Variants in EXT1 observed in about 807,000 individuals in gnomAD.
EXT1 encodes the protein exostosin glycosyltransferase 1.
In EXT1, 20 loss-of-function variants were observed where a neutral mutation model predicts 82.5. The observed-to-expected ratio is 0.24, with a 90% CI of 0.17 to 0.35. EXT1 has a LOEUF of 0.35. EXT1 is among the 10% of genes least tolerant of loss of function. EXT1 has a pLI of 1.00. For synonymous variants in EXT1, 348 were observed against 350.8 expected (o/e 0.99, Z 0.09); for missense variants, 757 against 936.5 (o/e 0.81, Z 2.50).
intron 1 of EXT1, among the ~76,000 whole-genome samples, chr8:118,063,898 G>A (rs1183527180): frequency 1.3e-5 from 2 of 151,960 alleles, no homozygotes; most frequent in South Asian, 2.1e-4. Flanking sequence ...ACGGAGTCTC[G>A]CTCTGTGGCC....
rs190359380 is a variant in EXT1, at chr8:117,933,298, G to C, written c.963-96097C>G. On this transcript the variant is annotated intron_variant, in intron 1 of 10. Transcript: ENST00000378204. ...GTCTTGCTCTGTCGCCCAGGCTGGA[G>C]TGCAGTGGCGCCATTTCAGCTCACT... Among the ~76,000 whole-genome samples, 111 of 149,596 alleles carry C rather than the reference G, an allele frequency of 7.4e-4. 2 individuals carry two copies. The highest frequency in any genetic ancestry group is 2.5e-3 in the African/African-American group (100 of 40,582).
intron 1 of EXT1, among the ~76,000 whole-genome samples, chr8:117,989,017 G>C (rs1191227249): frequency 6.8e-6 from 1 of 146,972 alleles, no homozygotes; most frequent in Admixed American, 6.9e-5. Context: ...AATGGGGCCA[G>C]GAGTTTGAGA....
intron 1 of EXT1, among the ~76,000 whole-genome samples, chr8:118,068,455 T>C (rs922092982): frequency 5.3e-5 from 8 of 152,280 alleles, no homozygotes; most frequent in African/African-American, 1.7e-4. Flanking sequence ...ATGCATTAGC[T>C]CTTTTCCCTA....
At chr8:117,897,883 G>A (rs17479600) in intron 1 of EXT1, among the ~76,000 whole-genome samples, 32,612 of 148,860 alleles carry the variant, frequency 0.22, 2,637 homozygotes, top group East Asian at 0.33. Flanking sequence ...GATTATAGGC[G>A]TGAACCACCG....
chr8:117,944,678 T>C (rs1814352256), intron 1 of EXT1, among the ~76,000 whole-genome samples: 1 of 152,100 alleles, frequency 6.6e-6, no homozygotes, highest in Non-Finnish European at 1.5e-5. Flanking sequence ...TCAAATATGG[T>C]TGAAATGCTT....
chr8:118,044,787 TCTC>T, intron 1 of EXT1, among the ~76,000 whole-genome samples: 1 of 152,262 alleles, frequency 6.6e-6, no homozygotes, highest in Middle Eastern at 3.4e-3. Context: ...CGTTCTCCAG[TCTC>T]GGTCTCCCGA....
At chr8:117,926,363 T>C (rs1050211130) in intron 1 of EXT1, among the ~76,000 whole-genome samples, 3 of 152,084 alleles carry the variant, frequency 2.0e-5, no homozygotes, top group African/African-American at 7.2e-5. Flanking sequence ...CTCGAGTGAG[T>C]TCCTTTTAAG....
chr8:117,965,454 G>A (rs1814789187), intron 1 of EXT1, among the ~76,000 whole-genome samples: 2 of 151,762 alleles, frequency 1.3e-5, no homozygotes, highest in Admixed American at 6.6e-5. Flanking sequence ...AAAACAAGGG[G>A]GAATTACCTT....
intron 7 of EXT1, among the ~76,000 whole-genome samples, chr8:117,814,678 T>C (rs780364200): frequency 3.3e-5 from 5 of 152,162 alleles, no homozygotes; most frequent in Non-Finnish European, 5.9e-5. Flanking sequence ...CCAGAAGTTA[T>C]AGTAAGGATG....
intron 1 of EXT1, among the ~76,000 whole-genome samples, chr8:117,860,189 T>C (rs1484296463): frequency 6.8e-6 from 1 of 146,404 alleles, no homozygotes; most frequent in Non-Finnish European, 1.5e-5. Context: ...AATGAAATCA[T>C]GCCTTTTGTA....
At position 117,858,805 on chromosome 8, in the gene EXT1, CA is replaced by C. The variant is rs769684651; in HGVS notation, c.963-21605del. 3.7e-4 allele frequency among the ~76,000 whole-genome samples: 25 copies of C among 66,700 alleles called. 2 individuals carry two copies. Among genetic ancestry groups the C allele is most frequent in the South Asian group, 2.1e-3 (3 of 1,460 alleles). The allele number at this position is 66,700 out of a possible 152,430, so 43.8% of individuals were successfully genotyped here. On this transcript the variant is annotated intron_variant, in intron 1 of 10. Coordinates refer to ENST00000378204, the MANE Select transcript of EXT1 (RefSeq NM_000127.3). ...GGCAGGCAGGCAAGGCAAGGCAAGG[CA>C]AGGCAGGAAGGAAGGAAGGAAGGAA...
intron 3 of EXT1, chr8:117,831,690 A>C (rs1812101096): frequency 2.1e-6 from 1 of 470,766 alleles, no homozygotes; most frequent in African/African-American, 2.0e-5. Flanking sequence ...TAGCTGCTTT[A>C]ATAGGAAAGT....
intron 1 of EXT1, among the ~76,000 whole-genome samples, chr8:117,977,300 T>C (rs1312831056): frequency 2.0e-5 from 3 of 150,202 alleles, no homozygotes; most frequent in African/African-American, 7.4e-5. Context: ...GGCAGGAGAA[T>C]CGCTTGAACC....
At chr8:118,071,332 A>T (rs532400668) in intron 1 of EXT1, among the ~76,000 whole-genome samples, 76 of 152,290 alleles carry the variant, frequency 5.0e-4, no homozygotes, top group South Asian at 1.2e-3. Context: ...TATGGGATAA[A>T]ATTACATAGT....
chr8:117,908,984 T>C (rs1168165306), intron 1 of EXT1, among the ~76,000 whole-genome samples: 4 of 151,690 alleles, frequency 2.6e-5, no homozygotes, highest in African/African-American at 7.3e-5. Flanking sequence ...ATACAAAAAT[T>C]AGCTGGGCGT....
intron 1 of EXT1, among the ~76,000 whole-genome samples, chr8:118,042,637 C>A (rs561211551): frequency 1.3e-5 from 2 of 152,300 alleles, no homozygotes; most frequent in African/African-American, 4.8e-5. Flanking sequence ...CTTTGCCCTG[C>A]CATTCCTACA....
intron 1 of EXT1, among the ~76,000 whole-genome samples, chr8:117,885,143 C>G (rs1813124727): frequency 6.6e-6 from 1 of 152,152 alleles, no homozygotes. Flanking sequence ...TATCAATATA[C>G]TCTTCAAGAT....
At chr8:117,915,472 G>A (rs1266119626) in intron 1 of EXT1, among the ~76,000 whole-genome samples, 1 of 151,782 alleles carries the variant, frequency 6.6e-6, no homozygotes, top group Non-Finnish European at 1.5e-5. Flanking sequence ...ATCTCCTACT[G>A]ATAGAAATTT....
chr8:117,861,417 T>G (rs1469175460), intron 1 of EXT1, among the ~76,000 whole-genome samples: 3 of 152,066 alleles, frequency 2.0e-5, no homozygotes, highest in Non-Finnish European at 4.4e-5. Context: ...TGAGGCAATT[T>G]AAGTCCCGAT....
Sources: allele counts gnomAD v4.1 joint callset (sites outside exome capture counted in the v4.1 genomes callset), GRCh38; gene constraint gnomAD v4.1.1; transcripts MANE v1.5; gene names NCBI Gene and HGNC (gene_info 2026-07-23, HGNC 2026-07-21).